NUP153: variants seen among roughly 807,000 people sequenced by gnomAD.
NUP153 encodes the protein nuclear pore complex protein Nup153.
A neutral mutation model predicts 134.6 loss-of-function variants in NUP153; 27 were observed. The ratio of observed to expected loss-of-function variants is 0.20; its 90% CI spans 0.15 to 0.28. The LOEUF is 0.28. NUP153 is among the 10% of genes least tolerant of loss of function. The pLI, the probability that NUP153 is intolerant of heterozygous loss-of-function variation, is 1.00. For missense variants in NUP153, 1,821 were observed against 1,731.3 expected (o/e 1.05, Z -0.92); for synonymous variants, 640 against 623.5 (o/e 1.03, Z -0.40).
At chr6:17,644,637 C>T (rs1766043582) in intron 14 of NUP153, among the ~76,000 whole-genome samples, 1 of 151,906 alleles carries the variant, frequency 6.6e-6, no homozygotes, top group Admixed American at 6.6e-5. Flanking sequence ...TAAAAGAAAA[C>T]CACCATTATA....
At chr6:17,686,297 C>T (rs550109027) in intron 2 of NUP153, among the ~76,000 whole-genome samples, 3 of 152,056 alleles carry the variant, frequency 2.0e-5, no homozygotes, top group African/African-American at 4.8e-5. Context: ...GTATCCAGTG[C>T]GACAAGATGT....
intron 20 of NUP153, among the ~76,000 whole-genome samples, chr6:17,618,878 T>G (rs1764493316): frequency 6.6e-6 from 1 of 152,070 alleles, no homozygotes; most frequent in African/African-American, 2.4e-5. Context: ...AGTTAAAATC[T>G]CAACAGAATG....
At position 17,675,411 on chromosome 6, in the gene NUP153, A is replaced by G; in HGVS notation, c.584-43T>C. The G allele has an allele frequency of 6.3e-7, 1 of 1,584,838 alleles. No homozygotes were observed. Among genetic ancestry groups the G allele is most frequent in the Non-Finnish European group, 8.6e-7 (1 of 1,166,410 alleles). ...AATCCATAGTAATAACACCAATACA[A>G]GAGCCTAGATTTTTATAAATAGAAA... On this transcript the variant is annotated intron_variant, in intron 3 of 21. Transcript: ENST00000262077. This position sits in a 1 kb window ranked among gnomAD's most constrained non-coding sequence, Gnocchi z 4.4.
At chr6:17,682,636 T>C (rs1768658006) in intron 2 of NUP153, among the ~76,000 whole-genome samples, 1 of 152,018 alleles carries the variant, frequency 6.6e-6, no homozygotes, top group South Asian at 2.1e-4. Flanking sequence ...GAAACCACTT[T>C]TGCCAGGTGT....
At chr6:17,667,731 A>G (rs7742489) in intron 8 of NUP153, among the ~76,000 whole-genome samples, 1 of 152,186 alleles carries the variant, frequency 6.6e-6, no homozygotes, top group Non-Finnish European at 1.5e-5. Flanking sequence ...GAAAAGAAAA[A>G]AAAGAAAAAT....
At chr6:17,616,253 T>C (rs1205991381) in intron 21 of NUP153, 72 bp from the exon 22 acceptor site, 7 of 504,930 alleles carry the variant, frequency 1.4e-5, no homozygotes, top group Admixed American at 5.8e-5. Flanking sequence ...ACATTTACCA[T>C]GAGCAGCACA....
intron 1 of NUP153, among the ~76,000 whole-genome samples, chr6:17,699,179 G>A (rs1037485873): frequency 7.8e-6 from 1 of 128,720 alleles, no homozygotes; most frequent in African/African-American, 2.8e-5. Context: ...AAGCTAAATA[G>A]CTACAAATAA....
chr6:17,615,399 G>A lies in NUP153; in HGVS notation c.*698C>T, dbSNP rs989474527. On this transcript the variant is annotated 3_prime_UTR_variant, in exon 22 of 22. Coordinates refer to ENST00000262077, the MANE Select transcript of NUP153 (RefSeq NM_005124.4). The surrounding 1 kb of genome is among the most constrained non-coding windows in gnomAD (Gnocchi z 5.7). ...TCAAATTTCAAGTTCACAGATTTAT[G>A]TTATGCCAAAAAGTACAGAAACAAA... The A allele has an allele frequency of 7.2e-5, 11 of 152,490 alleles. No individual in the cohort carries two copies. Among genetic ancestry groups the A allele is most frequent in the African/African-American group, 2.4e-4 (10 of 41,414 alleles). The allele number at this position is 152,490 out of a possible 1,614,324, so 9.4% of individuals were successfully genotyped here. A position where few individuals can be genotyped will look rare whatever the true frequency, so the allele number is the denominator to read the frequency against.
chr6:17,703,711 T>C (rs192110286), intron 1 of NUP153, among the ~76,000 whole-genome samples: 17 of 151,908 alleles, frequency 1.1e-4, no homozygotes, highest in African/African-American at 4.1e-4. Flanking sequence ...TTTCCTTGGG[T>C]AGTGGTAGTT....
chr6:17,703,029 C>T (rs1234124678), intron 1 of NUP153, among the ~76,000 whole-genome samples: 1 of 123,018 alleles, frequency 8.1e-6, no homozygotes, highest in Non-Finnish European at 1.9e-5. Flanking sequence ...GGCGAAATCC[C>T]GTCTCTAAAA....
Position 17,675,067 on chromosome 6 carries a change from T to C in NUP153, c.724-34A>G, listed in dbSNP as rs1157535417. The C allele has an allele frequency of 6.2e-7, 1 of 1,609,106 alleles. No individual in the cohort carries two copies. Among genetic ancestry groups the C allele is most frequent in the Non-Finnish European group, 8.5e-7 (1 of 1,177,940 alleles). ...AAACAGAATGATAAATTATAAGCCATATGAACCCAGGAGGTGGAGGTTGCA... is the reference window on the plus strand; with the variant it reads ...AAACAGAATGATAAATTATAAGCCACATGAACCCAGGAGGTGGAGGTTGCA... On this transcript the variant is annotated intron_variant, in intron 4 of 21. Transcript: ENST00000262077. This position sits in a 1 kb window ranked among gnomAD's most constrained non-coding sequence, Gnocchi z 4.4.
At position 17,669,030 on chromosome 6, in the gene NUP153, T is replaced by TCA; in HGVS notation, c.1015-3_1015-2insTG. The TCA allele has an allele frequency of 7.5e-7, 1 of 1,326,500 alleles. No homozygotes were observed. The highest frequency in any genetic ancestry group is 1.0e-6 in the Non-Finnish European group (1 of 995,410). 82.2% of individuals were successfully genotyped at this position (1,326,500 alleles called of 1,614,324 possible). On this transcript the variant is annotated splice_polypyrimidine_tract_variant and splice_region_variant and intron_variant, in intron 7 of 21. Transcript: ENST00000262077. ...ATCTATCCCACTCCTATCAAGAGGC[T>TCA]GAAAAAAAAAAAAAACACTATTAGA... is the stretch of plus-strand genomic sequence containing the variant.
At chr6:17,630,480 C>T (rs754385761) in intron 17 of NUP153, among the ~76,000 whole-genome samples, 13 of 151,806 alleles carry the variant, frequency 8.6e-5, no homozygotes, top group Admixed American at 1.3e-4. Context: ...GCCAACATGG[C>T]GAAACCCCAT....
chr6:17,703,357 A>C (rs1166656905), intron 1 of NUP153, among the ~76,000 whole-genome samples: 4 of 152,198 alleles, frequency 2.6e-5, no homozygotes, highest in African/African-American at 9.6e-5. Context: ...GTACTAGCCA[A>C]GTTGCCCTGA....
rs528167795 is a variant in NUP153, at chr6:17,697,219, C to T, written c.112-8601G>A. On this transcript the variant is annotated intron_variant, in intron 1 of 21. Transcript: ENST00000262077. The stretch of plus-strand genomic sequence containing the variant: ...CTAAATCCACTGGGTATTCTCTCTC[C>T]AAGAAAGAAGGGTTCTTCATTTGGC... Among the ~76,000 whole-genome samples, 10 of 152,232 alleles carry T rather than the reference C, an allele frequency of 6.6e-5. 1 individual carries two copies. In the South Asian group the frequency reaches 1.7e-3, roughly 25 times the overall value.
At chr6:17,657,433 G>T (rs116820863) in intron 11 of NUP153, among the ~76,000 whole-genome samples, 1,710 of 151,664 alleles carry the variant, frequency 0.011, 45 homozygotes, top group African/African-American at 0.039. Context: ...CCTTGGTGGT[G>T]CATGCCTGTA....
intron 9 of NUP153, among the ~76,000 whole-genome samples, chr6:17,662,830 A>G (rs1767275607): frequency 1.3e-5 from 2 of 152,186 alleles, no homozygotes; most frequent in Non-Finnish European, 2.9e-5. Context: ...TCTAATCATG[A>G]GGAAACATCA....
Position 17,629,523 on chromosome 6 carries a change from G to A in NUP153, c.2676C>T (p.Ser892=). 1 of 1,595,526 alleles carries A rather than the reference G, an allele frequency of 6.3e-7. No individual in the cohort carries two copies. The highest frequency in any genetic ancestry group is 1.1e-5 in the South Asian group (1 of 87,624). Residue 892 remains serine, a synonymous_variant, in exon 18 of 22, where the codon TCC becomes TCT. Transcript: ENST00000262077. ...AGGAGGCTGCTGAGTTCGAAGATGAGGAAGATGTGTCAAAGCCTACAAAAA... is the reference window on the plus strand; with the variant it reads ...AGGAGGCTGCTGAGTTCGAAGATGAAGAAGATGTGTCAAAGCCTACAAAAA... ...KSGFKGFDTS[S]SSSNSAASSS...
intron 5 of NUP153, among the ~76,000 whole-genome samples, chr6:17,672,210 A>T (rs953644174): frequency 2.7e-5 from 4 of 150,182 alleles, no homozygotes; most frequent in Non-Finnish European, 5.9e-5. Flanking sequence ...AAAAGGAAAG[A>T]CACACAGATC....
Sources: allele counts gnomAD v4.1 joint callset (sites outside exome capture counted in the v4.1 genomes callset), GRCh38; gene constraint gnomAD v4.1.1; non-coding constraint Gnocchi (gnomAD v3.1); transcripts MANE v1.5; gene names NCBI Gene and HGNC (gene_info 2026-07-23, HGNC 2026-07-21).